The following PDGFRA variants were observed in gnomAD, a reference collection of about 807,000 sequenced individuals.
PDGFRA encodes platelet derived growth factor receptor alpha.
In PDGFRA, 25 loss-of-function variants were observed where a neutral mutation model predicts 121.5. That is an observed-to-expected ratio of 0.21 (90% CI 0.15 to 0.29). The LOEUF (loss-of-function observed/expected upper bound fraction) is 0.29. Ranked by LOEUF, PDGFRA falls within the 10% of genes least tolerant of loss-of-function variation. The pLI, the probability that PDGFRA is intolerant of heterozygous loss-of-function variation, is 1.00. For synonymous variants in PDGFRA, 463 were observed against 494.8 expected, an observed-to-expected ratio of 0.94 and a Z score of 0.85; for missense variants, 1,008 against 1,345.1, an observed-to-expected ratio of 0.75 and a Z score of 3.92.
chr4:54,266,935 T>C (rs534576328), intron 5 of PDGFRA, among the ~76,000 whole-genome samples: 2 of 152,332 alleles, frequency 1.3e-5, no homozygotes, highest in African/African-American at 2.4e-5. Context: ...TGAGCCATGA[T>C]TGTGCCACTG....
At chr4:54,244,938 T>A (rs182058798) in intron 1 of PDGFRA, among the ~76,000 whole-genome samples, 18 of 152,228 alleles carry the variant, frequency 1.2e-4, no homozygotes, top group Middle Eastern at 3.4e-3. Context: ...CCTTAGGAGC[T>A]GATGCGATCA....
chr4:54,251,452 A>G (rs1359625900), intron 1 of PDGFRA, among the ~76,000 whole-genome samples: 2 of 152,198 alleles, frequency 1.3e-5, no homozygotes, highest in Non-Finnish European at 1.5e-5. Flanking sequence ...ACTAATAGCA[A>G]TATAGTTATT....
chr4:54,233,642 G>C (rs927058309), intron 1 of PDGFRA, among the ~76,000 whole-genome samples: 2 of 152,124 alleles, frequency 1.3e-5, no homozygotes, highest in Non-Finnish European at 2.9e-5. Flanking sequence ...GTGTGGGCCC[G>C]GGAGGCGCCG....
intron 2 of PDGFRA, among the ~76,000 whole-genome samples, chr4:54,260,267 C>T (rs796662485): frequency 3.6e-4 from 54 of 152,080 alleles, no homozygotes; most frequent in African/African-American, 1.2e-3. Flanking sequence ...CTGCTTTGGC[C>T]CTGGAAGTCA....
chr4:54,261,521 G>T (rs962980467), intron 3 of PDGFRA, 109 bp downstream of exon 3: 2 of 677,650 alleles, frequency 3.0e-6, no homozygotes, highest in Non-Finnish European at 4.9e-6. Context: ...ATTGCGGGAA[G>T]TTTGAAAAAT....
chr4:54,260,583 T>C (rs1722644574), intron 2 of PDGFRA, among the ~76,000 whole-genome samples: 1 of 151,708 alleles, frequency 6.6e-6, no homozygotes, highest in Non-Finnish European at 1.5e-5. Context: ...TATTTTTTTA[T>C]TTTTTGTGGA....
At chr4:54,283,825 C>T (rs944294063) in intron 16 of PDGFRA, among the ~76,000 whole-genome samples, 2 of 152,130 alleles carry the variant, frequency 1.3e-5, no homozygotes, top group African/African-American at 2.4e-5. Context: ...CTAGTTTGAA[C>T]TCTTGGACTC....
At chr4:54,273,471 C>G in intron 9 of PDGFRA, 66 bp from the exon 10 acceptor site, 1 of 1,279,648 alleles carries the variant, frequency 7.8e-7, no homozygotes, top group Non-Finnish European at 1.1e-6. Context: ...AGAGTGTTCC[C>G]GTGGCTCCAC....
At position 54,272,488 on chromosome 4, in the gene PDGFRA, T is replaced by C; in HGVS notation, c.1332T>C (p.Asp444=). ...CAGCTGAAGGCACGCCGCTTCCTGA[T>C]ATTGAGTGGATGATATGCAAAGATA... ...RCTAEGTPLP[D]IEWMICKDIK... is the part of the protein sequence containing the mutation. Residue 444 remains aspartate (D), a synonymous_variant, in exon 9 of 23, where the codon GAT becomes GAC. Transcript: ENST00000257290. 6.2e-7 allele frequency: 1 copy of C among 1,614,048 alleles called. No homozygotes were observed. The highest frequency in any genetic ancestry group is 8.5e-7 in the Non-Finnish European group (1 of 1,179,986).
At chr4:54,231,235 C>A (rs1577662009) in intron 1 of PDGFRA, among the ~76,000 whole-genome samples, 1 of 152,224 alleles carries the variant, frequency 6.6e-6, no homozygotes, top group Non-Finnish European at 1.5e-5. Context: ...ATGGATGGGG[C>A]CCATATCAGG....
At chr4:54,229,471 C>T (rs1387425378) in intron 1 of PDGFRA, 56 bp downstream of exon 1, 2 of 394,190 alleles carry the variant, frequency 5.1e-6, no homozygotes, top group East Asian at 7.2e-5. Flanking sequence ...TGATCAGACT[C>T]TGGGACTGGA....
intron 16 of PDGFRA, among the ~76,000 whole-genome samples, chr4:54,284,801 CGT>C (rs3068267): frequency 1.1e-4 from 16 of 147,208 alleles, no homozygotes; most frequent in African/African-American, 2.5e-4. Flanking sequence ...TATATCATTG[CGT>C]GTGTGTGTGT....
intron 16 of PDGFRA, among the ~76,000 whole-genome samples, chr4:54,282,246 A>T (rs1012931636): frequency 2.0e-5 from 3 of 152,162 alleles, no homozygotes; most frequent in Admixed American, 6.5e-5. Flanking sequence ...GTAATTTATA[A>T]GGGAAAGAGG....
At chr4:54,265,217 G>A in intron 5 of PDGFRA, 168 bp downstream of exon 5, 1 of 668,500 alleles carries the variant, frequency 1.5e-6, no homozygotes, top group Non-Finnish European at 2.7e-6. Context: ...AGGACTCCTT[G>A]ATCAATGGGA....
intron 1 of PDGFRA, among the ~76,000 whole-genome samples, chr4:54,244,066 C>T (rs910259713): frequency 5.3e-5 from 8 of 152,208 alleles, no homozygotes; most frequent in Non-Finnish European, 1.0e-4. Context: ...GGCTGGGAAG[C>T]TCGAACAGGG....
At position 54,274,827 on chromosome 4, in the gene PDGFRA, C is replaced by G. The variant is rs2110298998; in HGVS notation, c.1654-14C>G. ...TTTGGTAATTCACCAGTTACCTGTC[C>G]TGGTCATTTATAGAAACCGAGGTAT... On this transcript the variant is annotated splice_polypyrimidine_tract_variant and intron_variant, in intron 11 of 22. Coordinates refer to ENST00000257290, the MANE Select transcript of PDGFRA (RefSeq NM_006206.6). 1 of 1,614,012 alleles carries G rather than the reference C, an allele frequency of 6.2e-7. No individual in the cohort carries two copies. Among genetic ancestry groups the G allele is most frequent in the East Asian group, 2.2e-5 (1 of 44,880 alleles).
At chr4:54,286,549 G>A (rs1308843437) in intron 18 of PDGFRA, among the ~76,000 whole-genome samples, 2 of 151,828 alleles carry the variant, frequency 1.3e-5, no homozygotes, top group African/African-American at 2.4e-5. Flanking sequence ...TAGAGACAGG[G>A]TTTCACCATG....
chr4:54,294,263 G>C (rs1375164370), intron 22 of PDGFRA, among the ~76,000 whole-genome samples: 1 of 152,030 alleles, frequency 6.6e-6, no homozygotes, highest in Non-Finnish European at 1.5e-5. Flanking sequence ...AGGCTGGGCA[G>C]TGAATCTAGG....
At chr4:54,239,353 CTT>C (rs1426708270) in intron 1 of PDGFRA, among the ~76,000 whole-genome samples, 1 of 152,230 alleles carries the variant, frequency 6.6e-6, no homozygotes, top group Non-Finnish European at 1.5e-5. Context: ...AGTAGCCACT[CTT>C]TTATTCTTTT....
Sources: allele counts gnomAD v4.1 joint callset (sites outside exome capture counted in the v4.1 genomes callset), GRCh38; gene constraint gnomAD v4.1.1; transcripts MANE v1.5; gene names NCBI Gene and HGNC (gene_info 2026-07-23, HGNC 2026-07-21).